The following GALNT11 variants were observed in gnomAD, a reference collection of about 807,000 sequenced individuals.
The protein encoded by GALNT11 is UDP-GalNAc:polypeptide N-acetylgalactosaminyltransferase 11.
A neutral mutation model predicts 72.7 loss-of-function variants in GALNT11; 47 were observed. That is an observed-to-expected ratio of 0.65 (90% CI 0.51 to 0.82). GALNT11 has a LOEUF of 0.82. Among genes scored for constraint, GALNT11 ranks in the 40% least tolerant of loss-of-function variants. The probability of loss-of-function intolerance (pLI) is 0.00; values close to 1 mark genes in which losing one functional copy is unlikely to be tolerated. For synonymous variants in GALNT11, 270 were observed against 286.6 expected, an observed-to-expected ratio of 0.94 and a Z score of 0.58; for missense variants, 677 against 778.4, an observed-to-expected ratio of 0.87 and a Z score of 1.55.
rs147264589 is a variant in GALNT11 at position 152,110,531 on chromosome 7, A to G, written c.966A>G (p.Ser322=). Residue 322 remains serine, a synonymous_variant, in exon 7 of 12, where the codon TCA becomes TCG. Transcript: ENST00000430044. ...RAEGATAPIK[S]PTMAGGLFAM... is the part of the protein sequence containing the mutation. Reference sequence around the variant, plus strand: ...ACAGTAATTTTCCTTTTTCTAGGTCACCAACAATGGCTGGAGGTTTGTTTG... The same window carrying G: ...ACAGTAATTTTCCTTTTTCTAGGTCGCCAACAATGGCTGGAGGTTTGTTTG... The G allele has an allele frequency of 5.6e-6, 9 of 1,612,244 alleles. No homozygotes were observed. The African/African-American group carries it at 1.1e-4, about 19-fold the overall frequency.
At chr7:152,105,536 C>T (rs2087447024) in intron 5 of GALNT11, among the ~76,000 whole-genome samples, 166 bp downstream of exon 5, 1 of 152,222 alleles carries the variant, frequency 6.6e-6, no homozygotes, top group African/African-American at 2.4e-5. Flanking sequence ...TTCATAACGC[C>T]AAGCCTGCCA....
chr7:152,118,135 A>C (rs2089061354), intron 9 of GALNT11: 2 of 154,482 alleles, frequency 1.3e-5, no homozygotes. Flanking sequence ...GACAAAAACA[A>C]ACCCAGTATC....
intron 2 of GALNT11, 69 bp from the exon 3 acceptor site, chr7:152,100,728 TC>T (rs2086808392): frequency 1.3e-6 from 2 of 1,560,358 alleles, no homozygotes; most frequent in African/African-American, 2.7e-5. Context: ...TTTCTTAAGA[TC>T]ATAATATCGT....
chr7:152,109,708 G>C (rs117955410), intron 6 of GALNT11, among the ~76,000 whole-genome samples: 1 of 152,222 alleles, frequency 6.6e-6, no homozygotes, highest in Non-Finnish European at 1.5e-5. Context: ...CTTAGTGCCA[G>C]ACATGATATA....
chr7:152,065,856 G>A (rs2084277440), intron 1 of GALNT11, among the ~76,000 whole-genome samples: 1 of 152,218 alleles, frequency 6.6e-6, no homozygotes, highest in African/African-American at 2.4e-5. Context: ...CCCCTACTGG[G>A]AGGTGCCTCC....
At chr7:152,099,130 C>T (rs111342001) in intron 2 of GALNT11, among the ~76,000 whole-genome samples, 32,919 of 151,366 alleles carry the variant, frequency 0.22, 4,526 homozygotes, top group Middle Eastern at 0.35. Flanking sequence ...TTAGTAGATA[C>T]GGGGTTTTAC....
intron 1 of GALNT11, among the ~76,000 whole-genome samples, chr7:152,040,662 G>C (rs1483779166): frequency 6.6e-6 from 1 of 152,204 alleles, no homozygotes; most frequent in Non-Finnish European, 1.5e-5. Flanking sequence ...TTGTTCATCT[G>C]TATGAAATCA....
chr7:152,099,142 A>G lies in GALNT11; in HGVS notation c.296-1656A>G, dbSNP rs561834283. Reference sequence around the variant, plus strand: ...TTTTTAGTAGATACGGGGTTTTACCATGTTGGTCAGGCTGGCGTTGAACTG... The same window carrying G: ...TTTTTAGTAGATACGGGGTTTTACCGTGTTGGTCAGGCTGGCGTTGAACTG... On this transcript the variant is annotated intron_variant, in intron 2 of 11. Coordinates refer to ENST00000430044, the MANE Select transcript of GALNT11 (RefSeq NM_022087.4). 9.9e-5 allele frequency among the ~76,000 whole-genome samples: 15 copies of G among 151,864 alleles called. 1 individual carries two copies. In the South Asian group the frequency reaches 3.1e-3, roughly 32 times the overall value.
In GALNT11 at chr7:152,103,067, C is replaced by T. The variant is rs201433086; in HGVS notation, c.420-45C>T. ...TAGGTGAATAATAATCTAAACCATT[C>T]GAGCCTTTTAAAATGTCAGAATTTC... On this transcript the variant is annotated intron_variant, in intron 3 of 11. Coordinates refer to ENST00000430044, the MANE Select transcript of GALNT11 (RefSeq NM_022087.4). 865 of 1,543,662 alleles carry T rather than the reference C, an allele frequency of 5.6e-4. 10 individuals carry two copies. In the Admixed American group the frequency reaches 0.013, roughly 24 times the overall value.
At chr7:152,116,507 G>A (rs1020033575) in intron 8 of GALNT11, among the ~76,000 whole-genome samples, 1 of 152,152 alleles carries the variant, frequency 6.6e-6, no homozygotes, top group Non-Finnish European at 1.5e-5. Flanking sequence ...CCAAAGTGCT[G>A]GGATTACAAG....
intron 1 of GALNT11, among the ~76,000 whole-genome samples, chr7:152,047,627 G>A (rs1008669748): frequency 6.6e-6 from 1 of 151,996 alleles, no homozygotes; most frequent in East Asian, 1.9e-4. Flanking sequence ...AGCCCAGGAG[G>A]TTGAGGCTGC....
chr7:152,026,258 GT>G (rs2082008306), intron 1 of GALNT11, among the ~76,000 whole-genome samples: 1 of 152,220 alleles, frequency 6.6e-6, no homozygotes, highest in African/African-American at 2.4e-5. Flanking sequence ...AAATAGAATA[GT>G]TCACACATAC....
chr7:152,103,041 G>A, intron 3 of GALNT11, 71 bp from the exon 4 acceptor site: 1 of 1,369,932 alleles, frequency 7.3e-7, no homozygotes, highest in African/African-American at 1.4e-5. Context: ...CAGTAAATCT[G>A]TAGGTGAATA....
At chr7:152,048,702 T>C (rs1203823810) in intron 1 of GALNT11, among the ~76,000 whole-genome samples, 1 of 151,772 alleles carries the variant, frequency 6.6e-6, no homozygotes, top group African/African-American at 2.4e-5. Context: ...GCTAATTTTT[T>C]TGTATTTTTA....
intron 3 of GALNT11, among the ~76,000 whole-genome samples, chr7:152,101,212 T>C (rs2086853573): frequency 6.6e-6 from 1 of 152,236 alleles, no homozygotes; most frequent in Non-Finnish European, 1.5e-5. Flanking sequence ...TAAATGTTTA[T>C]TGATTGGATT....
chr7:152,025,917 TCCCTCAGCA>T (rs1170497184), intron 1 of GALNT11, 33 bp downstream of exon 1: 2 of 193,516 alleles, frequency 1.0e-5, no homozygotes, highest in Admixed American at 5.4e-5. Flanking sequence ...CCTCCCGGCG[TCCCTCAGCA>T]CCTCGAGAGC....
At chr7:152,033,555 A>T (rs540599690) in intron 1 of GALNT11, among the ~76,000 whole-genome samples, 1 of 152,208 alleles carries the variant, frequency 6.6e-6, no homozygotes, top group South Asian at 2.1e-4. Context: ...CAATCAATTG[A>T]CTCTCAAGTG....
intron 7 of GALNT11, 149 bp downstream of exon 7, chr7:152,110,794 G>A: frequency 1.6e-6 from 1 of 615,942 alleles, no homozygotes. Flanking sequence ...GCAGTGGCGT[G>A]GTCATGGCTC....
At chr7:152,041,071 A>G (rs1299111983) in intron 1 of GALNT11, among the ~76,000 whole-genome samples, 2 of 152,274 alleles carry the variant, frequency 1.3e-5, no homozygotes, top group African/African-American at 2.4e-5. Flanking sequence ...CAGTCTTGAC[A>G]TGGCTGCAAC....
Sources: gnomAD v4.1 joint callset for allele counts (sites outside exome capture counted in the v4.1 genomes callset) on GRCh38, gnomAD v4.1.1 for gene constraint, MANE v1.5 for transcripts, NCBI Gene and HGNC (gene_info 2026-07-23, HGNC 2026-07-21) for gene names.